The following CRY1 variants were observed in gnomAD, a reference collection of about 807,000 sequenced individuals.
The protein encoded by CRY1 is cryptochrome-1.
In CRY1, 45 loss-of-function variants were observed where a neutral mutation model predicts 76.0. That is an observed-to-expected ratio of 0.59 (90% CI 0.47 to 0.76). The LOEUF (loss-of-function observed/expected upper bound fraction) is 0.76. CRY1 is among the 30% of genes least tolerant of loss of function. The pLI is 0.00. For missense variants in CRY1, 587 were observed against 716.4 expected (o/e 0.82, Z 2.06); for synonymous variants, 248 against 244.0 (o/e 1.02, Z -0.15).
At chr12:107,068,561 G>T (rs1016355580) in intron 1 of CRY1, among the ~76,000 whole-genome samples, 3 of 152,118 alleles carry the variant, frequency 2.0e-5, no homozygotes, top group Admixed American at 6.5e-5. Flanking sequence ...GCCTCCCAAA[G>T]TGCTGAGATT....
chr12:106,992,641 A>T, intron 12 of CRY1, 146 bp downstream of exon 12: 1 of 702,362 alleles, frequency 1.4e-6, no homozygotes, highest in Non-Finnish European at 2.3e-6. Context: ...ACCAAAAATT[A>T]ACTGAGTTTG....
chr12:107,019,207 C>A (rs1952527081), intron 2 of CRY1, among the ~76,000 whole-genome samples: 1 of 151,644 alleles, frequency 6.6e-6, no homozygotes, highest in Non-Finnish European at 1.5e-5. Context: ...AATTGTATAT[C>A]CTTTTAGCCT....
intron 1 of CRY1, among the ~76,000 whole-genome samples, chr12:107,072,481 T>C (rs751525821): frequency 2.7e-4 from 41 of 152,210 alleles, no homozygotes; most frequent in Non-Finnish European, 4.7e-4. Context: ...CAAAAACCCC[T>C]GACCCAAATT....
At chr12:107,089,396 C>G (rs943817571) in intron 1 of CRY1, among the ~76,000 whole-genome samples, 1 of 151,732 alleles carries the variant, frequency 6.6e-6, no homozygotes, top group African/African-American at 2.4e-5. Flanking sequence ...GTGCAGTAGC[C>G]CATTCATAGC....
chr12:107,004,294 T>C (rs1310455458), intron 3 of CRY1, among the ~76,000 whole-genome samples: 7 of 152,334 alleles, frequency 4.6e-5, no homozygotes, highest in Middle Eastern at 3.4e-3. Flanking sequence ...TCATGATTTT[T>C]TGATACATTT....
intron 2 of CRY1, among the ~76,000 whole-genome samples, chr12:107,017,230 TTTC>T: frequency 6.6e-6 from 1 of 152,368 alleles, no homozygotes; most frequent in Non-Finnish European, 1.5e-5. Flanking sequence ...TCCGACGCCA[TTTC>T]TTCTTTTCAC....
At chr12:107,029,759 CT>C (rs1952656115) in intron 1 of CRY1, among the ~76,000 whole-genome samples, 1 of 152,076 alleles carries the variant, frequency 6.6e-6, no homozygotes, top group Non-Finnish European at 1.5e-5. Context: ...GGTTCCAATA[CT>C]CACAGAGCTT....
At chr12:107,031,723 T>C (rs1372567307) in intron 1 of CRY1, among the ~76,000 whole-genome samples, 1 of 152,038 alleles carries the variant, frequency 6.6e-6, no homozygotes, top group African/African-American at 2.4e-5. Flanking sequence ...GAAACTCAAA[T>C]TGAGGGCCGT....
At chr12:107,091,181 A>C (rs1953468034) in intron 1 of CRY1, among the ~76,000 whole-genome samples, 1 of 152,070 alleles carries the variant, frequency 6.6e-6, no homozygotes, top group Admixed American at 6.5e-5. Context: ...CTGAGATAAC[A>C]GGCATGCGCC....
chr12:107,039,934 T>TATAC (rs895012262), intron 1 of CRY1, among the ~76,000 whole-genome samples: 3 of 152,126 alleles, frequency 2.0e-5, no homozygotes, highest in Non-Finnish European at 2.9e-5. Flanking sequence ...AAGAAAATAT[T>TATAC]ATACATACAT....
intron 1 of CRY1, among the ~76,000 whole-genome samples, chr12:107,090,975 G>T (rs1490564000): frequency 1.3e-5 from 2 of 151,900 alleles, no homozygotes; most frequent in African/African-American, 4.8e-5. Flanking sequence ...TTCTCAAACA[G>T]TAACTAAACT....
At chr12:107,048,583 C>T (rs1053110155) in intron 1 of CRY1, among the ~76,000 whole-genome samples, 2 of 152,200 alleles carry the variant, frequency 1.3e-5, no homozygotes, top group Admixed American at 6.5e-5. Flanking sequence ...TACCAAATAC[C>T]GTATGTCTCT....
intron 1 of CRY1, among the ~76,000 whole-genome samples, chr12:107,069,355 G>C (rs1953150733): frequency 6.6e-6 from 1 of 150,894 alleles, no homozygotes; most frequent in African/African-American, 2.4e-5. Context: ...CTCCCGAGTA[G>C]CTGGGACTAC....
At chr12:107,054,380 T>G (rs1374577348) in intron 1 of CRY1, among the ~76,000 whole-genome samples, 2 of 151,608 alleles carry the variant, frequency 1.3e-5, no homozygotes, top group Non-Finnish European at 2.9e-5. Context: ...TTAATAAATT[T>G]ATTAAGTCTG....
chr12:107,042,582 G>A (rs569640950), intron 1 of CRY1, among the ~76,000 whole-genome samples: 9 of 142,388 alleles, frequency 6.3e-5, no homozygotes, highest in East Asian at 2.2e-4. Flanking sequence ...AAAATACTTC[G>A]CCAGGTAATG....
rs1468108502 is a variant in CRY1 at position 107,007,936 on chromosome 12, G to A, written c.268-2688C>T. ...CCTTTTCCTTCTTGAGTTCAGTCAC[G>A]TAAGCCAGGGGGCTAAAGATAAAAA... On this transcript the variant is annotated intron_variant, in intron 2 of 12. Coordinates refer to ENST00000008527, the MANE Select transcript of CRY1 (RefSeq NM_004075.5). Among the ~76,000 whole-genome samples the A allele has an allele frequency of 2.0e-5, 3 of 152,246 alleles. No homozygotes were observed. The South Asian group carries it at 6.2e-4, about 32-fold the overall frequency.
chr12:107,009,604 A>ATATATATATATATATATG (rs1358673065), intron 2 of CRY1, among the ~76,000 whole-genome samples: 1 of 29,456 alleles, frequency 3.4e-5, no homozygotes, highest in African/African-American at 1.9e-4. Flanking sequence ...ATATATATAA[A>ATATATATATATATATATG]ATCTCTATAT....
chr12:107,081,118 G>A (rs1593544026), intron 1 of CRY1, among the ~76,000 whole-genome samples: 1 of 152,188 alleles, frequency 6.6e-6, no homozygotes, highest in Middle Eastern at 3.4e-3. Flanking sequence ...ATACTAGAAG[G>A]AAGAACTAGT....
intron 1 of CRY1, among the ~76,000 whole-genome samples, chr12:107,068,372 A>G (rs925660348): frequency 5.3e-5 from 8 of 152,152 alleles, no homozygotes; most frequent in Admixed American, 4.6e-4. Context: ...ATCTTGGCTA[A>G]CTGCAACCTC....
Sources: allele counts gnomAD v4.1 joint callset (sites outside exome capture counted in the v4.1 genomes callset), GRCh38; gene constraint gnomAD v4.1.1; transcripts MANE v1.5; gene names NCBI Gene and HGNC (gene_info 2026-07-23, HGNC 2026-07-21).